Variants in SDC2 observed in about 807,000 individuals in gnomAD.
SDC2 encodes the protein syndecan-2.
A neutral mutation model predicts 22.2 loss-of-function variants in SDC2; 13 were observed. The observed-to-expected ratio is 0.59, with a 90% CI of 0.38 to 0.93. The LOEUF is 0.93. Among genes scored for constraint, SDC2 ranks in the 40% least tolerant of loss-of-function variants. The pLI is 0.00. For synonymous variants in SDC2, 94 were observed against 92.8 expected (o/e 1.01, Z -0.07); for missense variants, 235 against 246.8 (o/e 0.95, Z 0.32).
rs547265714 is a variant in SDC2 at position 96,562,548 on chromosome 8, T to G, written c.61-30932T>G. The stretch of plus-strand genomic sequence containing the variant: ...GGAGTGAACGTCAGAAGCTCTGCAT[T>G]GGTGGATTAGTGAGTCCTTTCCTCA... On this transcript the variant is annotated intron_variant, in intron 1 of 4. Transcript: ENST00000302190. Among the ~76,000 whole-genome samples, 10 of 152,304 alleles carry G rather than the reference T, an allele frequency of 6.6e-5. No homozygotes were observed. In the East Asian group the frequency reaches 1.9e-3, roughly 29 times the overall value.
chr8:96,507,767 C>T (rs999039179), intron 1 of SDC2, among the ~76,000 whole-genome samples: 2 of 152,178 alleles, frequency 1.3e-5, no homozygotes, highest in African/African-American at 4.8e-5. Flanking sequence ...CAGTGCCTTC[C>T]AGGAGAGAGT....
chr8:96,597,323 T>C (rs1814894426), intron 2 of SDC2, among the ~76,000 whole-genome samples: 1 of 151,948 alleles, frequency 6.6e-6, no homozygotes, highest in Admixed American at 6.6e-5. Flanking sequence ...TCAAAGAGAG[T>C]GGCATGGGAG....
intron 1 of SDC2, among the ~76,000 whole-genome samples, chr8:96,520,827 C>G (rs977601193): frequency 6.6e-6 from 1 of 152,138 alleles, no homozygotes. Context: ...AACCCTTGTG[C>G]CCCTGGGGGA....
intron 1 of SDC2, among the ~76,000 whole-genome samples, chr8:96,540,624 A>G (rs1488062465): frequency 2.6e-5 from 4 of 151,892 alleles, no homozygotes; most frequent in Non-Finnish European, 5.9e-5. Context: ...TCCCTCCCCA[A>G]CACTCCTTTC....
At chr8:96,607,975 G>C (rs919169617) in intron 3 of SDC2, among the ~76,000 whole-genome samples, 1 of 152,150 alleles carries the variant, frequency 6.6e-6, no homozygotes, top group Non-Finnish European at 1.5e-5. Context: ...AATTGGGGCA[G>C]TGCTGTTGGG....
chr8:96,547,419 G>A (rs1586292915), intron 1 of SDC2, among the ~76,000 whole-genome samples: 2 of 152,278 alleles, frequency 1.3e-5, no homozygotes, highest in African/African-American at 2.4e-5. Context: ...TAAACTTGGG[G>A]ACCACCTTCG....
chr8:96,501,346 G>A (rs1157647508), intron 1 of SDC2, among the ~76,000 whole-genome samples: 4 of 111,880 alleles, frequency 3.6e-5, no homozygotes, highest in African/African-American at 1.1e-4. Flanking sequence ...TCACTCCGTC[G>A]CCCAGGCTGG....
intron 1 of SDC2, among the ~76,000 whole-genome samples, chr8:96,567,507 C>A (rs1814320011): frequency 6.6e-6 from 1 of 152,206 alleles, no homozygotes. Flanking sequence ...ACCCTCTTCT[C>A]TTCCCCACTC....
chr8:96,589,272 T>C (rs1234207143), intron 1 of SDC2, among the ~76,000 whole-genome samples: 1 of 152,192 alleles, frequency 6.6e-6, no homozygotes, highest in African/African-American at 2.4e-5. Flanking sequence ...CTCTTCTTGG[T>C]GTTTTTGTAT....
intron 1 of SDC2, among the ~76,000 whole-genome samples, chr8:96,563,300 A>C (rs1170044390): frequency 1.3e-5 from 2 of 151,932 alleles, no homozygotes; most frequent in Non-Finnish European, 2.9e-5. Flanking sequence ...AGAGCTCCCA[A>C]TTTTCAGGGA....
chr8:96,570,560 G>T (rs911211751), intron 1 of SDC2, among the ~76,000 whole-genome samples: 8 of 152,074 alleles, frequency 5.3e-5, no homozygotes, highest in Non-Finnish European at 2.9e-5. Flanking sequence ...GGCAAATGAA[G>T]AAAATAAAAC....
At chr8:96,505,460 C>T (rs748863304) in intron 1 of SDC2, among the ~76,000 whole-genome samples, 1 of 152,036 alleles carries the variant, frequency 6.6e-6, no homozygotes, top group Non-Finnish European at 1.5e-5. Context: ...CACCACCACA[C>T]GCAGCTACTT....
rs1814710465 is a variant in SDC2, at chr8:96,587,765, GA to G, written c.61-5711del. Among the ~76,000 whole-genome samples the G allele has an allele frequency of 2.0e-5, 3 of 152,140 alleles. No homozygotes were observed. The South Asian group carries it at 6.2e-4, about 32-fold the overall frequency. The stretch of plus-strand genomic sequence containing the variant: ...GGGAGAATTTCCATGATCAAAGTTT[GA>G]AAATGCTGGATTAAGCCAAGTTCAA... On this transcript the variant is annotated intron_variant, in intron 1 of 4. Coordinates refer to ENST00000302190, the MANE Select transcript of SDC2 (RefSeq NM_002998.4).
rs1019925742 is a variant in SDC2, at chr8:96,595,493, A to G, written c.172+1902A>G. On this transcript the variant is annotated intron_variant, in intron 2 of 4. Transcript: ENST00000302190. ...GCCCACAACTCTATAAATATCTTTC[A>G]CTCATGGCACCTCTTTTTTTTTTTT... 3.8e-4 allele frequency among the ~76,000 whole-genome samples: 56 copies of G among 148,348 alleles called. 1 individual carries two copies. Among genetic ancestry groups the G allele is most frequent in the Non-Finnish European group, 8.9e-5 (6 of 67,208 alleles).
chr8:96,581,062 C>T (rs1021316774), intron 1 of SDC2, among the ~76,000 whole-genome samples: 7 of 152,054 alleles, frequency 4.6e-5, no homozygotes, highest in African/African-American at 7.2e-5. Flanking sequence ...TGCTTTTCTT[C>T]GTCTTCCATA....
rs772807356 is a variant in SDC2 at position 96,611,641 on chromosome 8, A to T, written c.*2093A>T. On this transcript the variant is annotated 3_prime_UTR_variant, in exon 5 of 5. Transcript: ENST00000302190. The stretch of plus-strand genomic sequence containing the variant: ...AACTGTGCAAAGCAGAGTGAAATTC[A>T]ATTCATAGAATAACAACTGCTGGGA... 6.5e-6 allele frequency: 1 copy of T among 152,678 alleles called. No homozygotes were observed. Among genetic ancestry groups the T allele is most frequent in the Non-Finnish European group, 1.5e-5 (1 of 68,052 alleles). The allele number at this position is 152,678 out of a possible 1,614,324, so 9.5% of individuals were successfully genotyped here. A position where few individuals can be genotyped will look rare whatever the true frequency, so the allele number is the denominator to read the frequency against.
rs759065446 is a variant in SDC2, at chr8:96,526,228, CT to C, written c.60+31898del. Among the ~76,000 whole-genome samples, 15 of 151,672 alleles carry C rather than the reference CT, an allele frequency of 9.9e-5. No homozygotes were observed. In the South Asian group the frequency reaches 1.7e-3, roughly 17 times the overall value. On this transcript the variant is annotated intron_variant, in intron 1 of 4. Transcript: ENST00000302190. ...GAAGTTAGAATTCTATGAATATGTA[CT>C]GATTTTTTGTGATTCTGAATTTAAA...
At chr8:96,519,262 T>G (rs551441937) in intron 1 of SDC2, among the ~76,000 whole-genome samples, 1 of 152,278 alleles carries the variant, frequency 6.6e-6, no homozygotes, top group East Asian at 1.9e-4. Context: ...TAAAGCTGAT[T>G]TACAGTTATT....
chr8:96,560,460 A>C (rs1222834501), intron 1 of SDC2, among the ~76,000 whole-genome samples: 1 of 152,294 alleles, frequency 6.6e-6, no homozygotes, highest in South Asian at 2.1e-4. Flanking sequence ...TAACTGAATT[A>C]TTTTATTAAA....
Sources: gnomAD v4.1 joint callset for allele counts (sites outside exome capture counted in the v4.1 genomes callset) on GRCh38, gnomAD v4.1.1 for gene constraint, MANE v1.5 for transcripts, NCBI Gene and HGNC (gene_info 2026-07-23, HGNC 2026-07-21) for gene names.